HP1BP3: variants seen among roughly 807,000 people sequenced by gnomAD.
HP1BP3 encodes heterochromatin protein 1 binding protein 3.
In HP1BP3, 12 loss-of-function variants were observed where a neutral mutation model predicts 62.5. The observed-to-expected ratio is 0.19, with a 90% CI of 0.12 to 0.31. The LOEUF is 0.31. Ranked by LOEUF, HP1BP3 falls within the 10% of genes least tolerant of loss-of-function variation. The probability of loss-of-function intolerance (pLI) is 1.00; values close to 1 mark genes in which losing one functional copy is unlikely to be tolerated. For missense variants in HP1BP3, 502 were observed against 651.8 expected (o/e 0.77, Z 2.50); for synonymous variants, 260 against 237.8 (o/e 1.09, Z -0.86).
At chr1:20,777,946 A>G (rs772557219) in intron 3 of HP1BP3, among the ~76,000 whole-genome samples, 7 of 152,240 alleles carry the variant, frequency 4.6e-5, no homozygotes, top group Non-Finnish European at 8.8e-5. Flanking sequence ...ATCTGGGGAT[A>G]AAGATAATAA....
chr1:20,782,916 A>AG (rs1216901935), intron 1 of HP1BP3, among the ~76,000 whole-genome samples: 1 of 150,658 alleles, frequency 6.6e-6, no homozygotes, highest in African/African-American at 2.4e-5. Context: ...AAGAAAAAAA[A>AG]AAAAAAAAAA....
At chr1:20,772,051 C>T (rs2057084784) in intron 5 of HP1BP3, among the ~76,000 whole-genome samples, 1 of 152,064 alleles carries the variant, frequency 6.6e-6, no homozygotes, top group South Asian at 2.1e-4. Context: ...TATTAATGAC[C>T]TACTGAGGTT....
Position 20,744,716 on chromosome 1 carries a change from C to T in HP1BP3, c.*81G>A. The T allele has an allele frequency of 7.9e-7, 1 of 1,261,834 alleles. No homozygotes were observed. The highest frequency in any genetic ancestry group is 1.1e-6 in the Non-Finnish European group (1 of 910,484). 78.2% of individuals were successfully genotyped at this position (1,261,834 alleles called of 1,614,324 possible). ...GAGGAAAATAATGTAATTTGAAAAGCATCAAAACTAAACAAATGCACACTG... is the reference window on the plus strand; with the variant it reads ...GAGGAAAATAATGTAATTTGAAAAGTATCAAAACTAAACAAATGCACACTG... On this transcript the variant is annotated 3_prime_UTR_variant, in exon 13 of 13. Transcript: ENST00000438032.
intron 9 of HP1BP3, among the ~76,000 whole-genome samples, chr1:20,750,751 T>C (rs1357533863): frequency 6.6e-6 from 1 of 151,032 alleles, no homozygotes; most frequent in Non-Finnish European, 1.5e-5. Context: ...AACTCAAAGA[T>C]GACAAGGATA....
chr1:20,758,824 T>A (rs1056458292), intron 8 of HP1BP3, among the ~76,000 whole-genome samples: 2 of 140,040 alleles, frequency 1.4e-5, no homozygotes, highest in African/African-American at 5.0e-5. Context: ...ATTTTTGTTA[T>A]TTTTTTTTTG....
chr1:20,776,439 A>C, intron 4 of HP1BP3, 158 bp downstream of exon 4: 1 of 639,818 alleles, frequency 1.6e-6, no homozygotes, highest in Non-Finnish European at 2.6e-6. Flanking sequence ...AGGTCAAACA[A>C]CTATATAATA....
At chr1:20,768,221 C>A (rs532863165) in intron 6 of HP1BP3, among the ~76,000 whole-genome samples, 3 of 151,678 alleles carry the variant, frequency 2.0e-5, no homozygotes, top group African/African-American at 4.9e-5. Flanking sequence ...CCGAGGCGGG[C>A]GAATCACGAG....
intron 12 of HP1BP3, 33 bp downstream of exon 12, chr1:20,745,510 T>TCC: frequency 6.2e-7 from 1 of 1,608,134 alleles, no homozygotes; most frequent in Non-Finnish European, 8.5e-7. Flanking sequence ...GTATTTAGTG[T>TCC]CCTCCCCACA....
intron 4 of HP1BP3, chr1:20,775,090 AG>A (rs1054408801): frequency 2.6e-5 from 4 of 152,100 alleles, no homozygotes; most frequent in African/African-American, 9.7e-5. Context: ...TTTTATCATT[AG>A]AGTATATGTT....
chr1:20,770,516 T>C (rs2057009251), intron 6 of HP1BP3, among the ~76,000 whole-genome samples: 1 of 152,138 alleles, frequency 6.6e-6, no homozygotes, highest in Non-Finnish European at 1.5e-5. Flanking sequence ...GGTCTTGCTA[T>C]GTTGCCCAGG....
intron 1 of HP1BP3, among the ~76,000 whole-genome samples, chr1:20,786,915 C>T (rs1268528490): frequency 2.0e-5 from 3 of 152,114 alleles, no homozygotes; most frequent in African/African-American, 7.2e-5. Flanking sequence ...CCTCCTCCCC[C>T]AAATCCAAAC....
chr1:20,760,050 G>A (rs1385218647), intron 8 of HP1BP3, among the ~76,000 whole-genome samples: 7 of 151,804 alleles, frequency 4.6e-5, no homozygotes, highest in East Asian at 1.9e-4. Context: ...CACCATGCCC[G>A]GCTAATTTTT....
rs1218290093 is a variant in HP1BP3 at position 20,741,423 on chromosome 1, C to G, written c.*3374G>C. ...TGGAAAAACAGCAATGATGAAAAAA[C>G]AAATGTCAAAAGGTGTTAGCAGATT... On this transcript the variant is annotated 3_prime_UTR_variant, in exon 13 of 13. Transcript: ENST00000438032. Among the ~76,000 whole-genome samples, 1 of 152,160 alleles carries G rather than the reference C, an allele frequency of 6.6e-6. No homozygotes were observed. Among genetic ancestry groups the G allele is most frequent in the Non-Finnish European group, 1.5e-5 (1 of 68,014 alleles).
chr1:20,744,752 A>G lies in HP1BP3; in HGVS notation c.*45T>C, dbSNP rs561050792. ...AACAAATGCACACTGACCTTAGAAA[A>G]TAAGATTTTGAATTTCATCATGATA... On this transcript the variant is annotated 3_prime_UTR_variant, in exon 13 of 13. Transcript: ENST00000438032. The G allele has an allele frequency of 1.1e-5, 17 of 1,510,558 alleles. 1 individual carries two copies. The East Asian group carries it at 3.2e-4, about 28-fold the overall frequency. The allele number at this position is 1,510,558 out of a possible 1,614,324, so 93.6% of individuals were successfully genotyped here.
At position 20,767,725 on chromosome 1, in the gene HP1BP3, T is replaced by G; in HGVS notation, c.655-61A>C. 5 of 1,068,956 alleles carry G rather than the reference T, an allele frequency of 4.7e-6. No homozygotes were observed. In the South Asian group the frequency reaches 6.9e-5, roughly 15 times the overall value. 66.2% of individuals were successfully genotyped at this position (1,068,956 alleles called of 1,614,324 possible). ...TAACTTTACAGTAGGCTAAGGAAAT[T>G]ACAGGCCATGGTAATGCAAGAGCTA... On this transcript the variant is annotated intron_variant, in intron 6 of 12. Coordinates refer to ENST00000438032, the MANE Select transcript of HP1BP3 (RefSeq NM_001372052.1).
rs2055099891 is a variant in HP1BP3, at chr1:20,742,109, G to A, written c.*2688C>T. On this transcript the variant is annotated 3_prime_UTR_variant, in exon 13 of 13. Coordinates refer to ENST00000438032, the MANE Select transcript of HP1BP3 (RefSeq NM_001372052.1). ...TAAACTTCTCAGCCTGTGCTTAAGTGCCTGGTGTGCAATACAGCCACCAGG... is the reference window on the plus strand; with the variant it reads ...TAAACTTCTCAGCCTGTGCTTAAGTACCTGGTGTGCAATACAGCCACCAGG... Among the ~76,000 whole-genome samples, 1 of 152,206 alleles carries A rather than the reference G, an allele frequency of 6.6e-6. No homozygotes were observed. Among genetic ancestry groups the A allele is most frequent in the Non-Finnish European group, 1.5e-5 (1 of 68,038 alleles).
chr1:20,774,891 G>A (rs1231336532), intron 4 of HP1BP3: 2 of 152,476 alleles, frequency 1.3e-5, no homozygotes, highest in Non-Finnish European at 2.9e-5. Flanking sequence ...GGTTGAGGCA[G>A]GAGAATCGCT....
At chr1:20,761,487 G>T in intron 8 of HP1BP3, among the ~76,000 whole-genome samples, 1 of 151,898 alleles carries the variant, frequency 6.6e-6, no homozygotes, top group East Asian at 1.9e-4. Flanking sequence ...CTGAAATGAA[G>T]ATAATGTGGG....
At position 20,780,620 on chromosome 1, in the gene HP1BP3, A is replaced by G. The variant is rs1295845906; in HGVS notation, c.-100-80T>C. 2.8e-5 allele frequency: 16 copies of G among 575,670 alleles called. No homozygotes were observed. In the Admixed American group the frequency reaches 4.2e-4, roughly 15 times the overall value. 35.7% of individuals were successfully genotyped at this position (575,670 alleles called of 1,614,324 possible). A position where few individuals can be genotyped will look rare whatever the true frequency, so the allele number is the denominator to read the frequency against. On this transcript the variant is annotated intron_variant, in intron 1 of 12. Coordinates refer to ENST00000438032, the MANE Select transcript of HP1BP3 (RefSeq NM_001372052.1). ...AACGTCTAAATTTAATACACATCCA[A>G]AGGGAAAAAATATAACTATAAAATT...
Sources: allele counts gnomAD v4.1 joint callset (sites outside exome capture counted in the v4.1 genomes callset), GRCh38; gene constraint gnomAD v4.1.1; transcripts MANE v1.5; gene names NCBI Gene and HGNC (gene_info 2026-07-23, HGNC 2026-07-21).